The following RAD23B variants were observed in gnomAD, a reference collection of about 807,000 sequenced individuals.
RAD23B encodes the protein RAD23 nucleotide excision repair protein B, also known as lysine-specific demethylase RAD23B.
In RAD23B, 5 loss-of-function variants were observed where a neutral mutation model predicts 49.1. The ratio of observed to expected loss-of-function variants is 0.10; its 90% CI spans 0.05 to 0.21. RAD23B has a LOEUF of 0.21. RAD23B is among the 10% of genes least tolerant of loss of function. RAD23B has a pLI of 1.00. For synonymous variants in RAD23B, 184 were observed against 165.4 expected, an observed-to-expected ratio of 1.11 and a Z score of -0.86; for missense variants, 356 against 486.7, an observed-to-expected ratio of 0.73 and a Z score of 2.53.
At position 107,284,130 on chromosome 9, in the gene RAD23B, C is replaced by T. The variant is rs967709900; in HGVS notation, c.66+435C>T. 1.1e-5 allele frequency: 11 copies of T among 993,180 alleles called. No homozygotes were observed. In the African/African-American group the frequency reaches 1.9e-4, roughly 17 times the overall value. 61.5% of individuals were successfully genotyped at this position (993,180 alleles called of 1,614,324 possible). On this transcript the variant is annotated intron_variant, in intron 1 of 9. Transcript: ENST00000358015. Reference sequence around the variant, plus strand: ...GCCGCTTAGTTCCCAGAGTTGGTAACCCGAGAAGATGAGCCTTAAGAAAAA... The same window carrying T: ...GCCGCTTAGTTCCCAGAGTTGGTAATCCGAGAAGATGAGCCTTAAGAAAAA...
chr9:107,287,632 C>T (rs909278157), intron 1 of RAD23B, among the ~76,000 whole-genome samples: 4 of 151,968 alleles, frequency 2.6e-5, no homozygotes, highest in East Asian at 1.9e-4. Flanking sequence ...GTCAGGAGTT[C>T]CAGACCAGCC....
rs759969461 is a variant in RAD23B, at chr9:107,306,582, A to G, written c.432A>G (p.Lys144=). The G allele has an allele frequency of 4.3e-6, 7 of 1,614,022 alleles. No homozygotes were observed. Among genetic ancestry groups the G allele is most frequent in the Non-Finnish European group, 5.9e-6 (7 of 1,180,024 alleles). The change falls in exon 4 of 10, where the codon AAA becomes AAG. Residue 144 remains lysine, a synonymous_variant. Transcript: ENST00000358015. ...AACCTGCACCTGCTAGTGCAGCTAA[A>G]CAAGAGAAGCCTGCAGAAAAGCCAG... is the stretch of plus-strand genomic sequence containing the variant. The part of the protein sequence containing the change: ...SSEPAPASAA[K]QEKPAEKPAE...
chr9:107,318,677 C>T lies in RAD23B; in HGVS notation c.554-75C>T, dbSNP rs1182699201. 10 of 1,449,946 alleles carry T rather than the reference C, an allele frequency of 6.9e-6. 1 individual carries two copies. In the East Asian group the frequency reaches 7.0e-5, roughly 10 times the overall value. The allele number at this position is 1,449,946 out of a possible 1,614,324, so 89.8% of individuals were successfully genotyped here. ...ATAGTAGTTCCTGAAATGTTGTATA[C>T]ATGAATCAATAAATGTATAGAGAAT... On this transcript the variant is annotated intron_variant, in intron 5 of 9. Transcript: ENST00000358015. This position sits in a 1 kb window ranked among gnomAD's most constrained non-coding sequence, Gnocchi z 4.3.
In RAD23B at chr9:107,329,523, T is replaced by G; in HGVS notation, c.1117-20T>G. On this transcript the variant is annotated intron_variant, in intron 9 of 9. Coordinates refer to ENST00000358015, the MANE Select transcript of RAD23B (RefSeq NM_002874.5). The stretch of plus-strand genomic sequence containing the variant: ...CATAATTGGTGTGTTGGATTTATAT[T>G]TTTTTCCTTTTTCTTCCAGTTAAAG... The G allele has an allele frequency of 6.8e-7, 1 of 1,461,482 alleles. No individual in the cohort carries two copies. The highest frequency in any genetic ancestry group is 9.5e-7 in the Non-Finnish European group (1 of 1,051,406). The allele number at this position is 1,461,482 out of a possible 1,614,324, so 90.5% of individuals were successfully genotyped here. A position where few individuals can be genotyped will look rare whatever the true frequency, so the allele number is the denominator to read the frequency against.
At chr9:107,312,605 A>G (rs1453352975) in intron 5 of RAD23B, among the ~76,000 whole-genome samples, 2 of 152,064 alleles carry the variant, frequency 1.3e-5, no homozygotes, top group African/African-American at 4.8e-5. Flanking sequence ...GGGTGTGACA[A>G]CCCCAGATTT....
intron 3 of RAD23B, 94 bp downstream of exon 3, chr9:107,302,208 A>G (rs536492949): frequency 1.9e-6 from 3 of 1,549,702 alleles, no homozygotes; most frequent in African/African-American, 1.4e-5. Context: ...GTTTATACAC[A>G]TCCATAGTGG....
chr9:107,322,253 T>C (rs1827125530), intron 7 of RAD23B, 135 bp downstream of exon 7: 11 of 1,136,538 alleles, frequency 9.7e-6, no homozygotes, highest in Non-Finnish European at 1.3e-5. Flanking sequence ...TCTTCACTAA[T>C]GTTTGAGAAA....
intron 3 of RAD23B, 56 bp downstream of exon 3, chr9:107,302,170 A>G: frequency 1.2e-6 from 2 of 1,605,488 alleles, no homozygotes; most frequent in South Asian, 1.1e-5. Flanking sequence ...TTTAAAAATG[A>G]TGATCACAAG....
intron 1 of RAD23B, among the ~76,000 whole-genome samples, chr9:107,296,544 GT>G (rs1195171298): frequency 1.3e-5 from 2 of 151,762 alleles, no homozygotes; most frequent in Non-Finnish European, 2.9e-5. Flanking sequence ...TGCAAAAACA[GT>G]TTTGTGCCTT....
intron 4 of RAD23B, among the ~76,000 whole-genome samples, chr9:107,306,994 T>C (rs1297570437): frequency 6.6e-6 from 1 of 152,124 alleles, no homozygotes; most frequent in Non-Finnish European, 1.5e-5. Flanking sequence ...GCCACCCTGA[T>C]CATCATTTGT....
intron 2 of RAD23B, 61 bp from the exon 3 acceptor site, chr9:107,301,974 T>C: frequency 6.4e-7 from 1 of 1,572,926 alleles, no homozygotes; most frequent in South Asian, 1.2e-5. Flanking sequence ...AAAGTTGTTT[T>C]AACTGAAGTG....
chr9:107,323,893 A>T lies in RAD23B; in HGVS notation c.821A>T (p.His274Leu). The T allele has an allele frequency of 6.2e-7, 1 of 1,606,350 alleles. No individual in the cohort carries two copies. The highest frequency in any genetic ancestry group is 8.5e-7 in the Non-Finnish European group (1 of 1,173,052). Reference sequence around the variant, plus strand: ...GAAATGTTTATGTGTATTTTAGGACATCCCCTTGAATTTTTACGGAATCAG... The same window carrying T: ...GAAATGTTTATGTGTATTTTAGGACTTCCCCTTGAATTTTTACGGAATCAG... The part of the protein sequence containing the change: ...ATTTTTSSGG[H>L]PLEFLRNQPQ... The change falls in exon 8 of 10, where the codon CAT becomes CTT. Residue 274 changes from histidine to leucine, a missense_variant. By Grantham distance (99) the His-to-Leu change is moderately conservative (BLOSUM62 -3). Transcript: ENST00000358015.
chr9:107,315,156 A>G (rs1174848634), intron 5 of RAD23B, among the ~76,000 whole-genome samples: 2 of 136,796 alleles, frequency 1.5e-5, no homozygotes, highest in Admixed American at 1.4e-4. Flanking sequence ...TTTGTGTTTG[A>G]TGAGAAGTCT....
chr9:107,283,452 G>C lies in RAD23B; in HGVS notation c.-178G>C, dbSNP rs1373895302. On this transcript the variant is annotated 5_prime_UTR_variant, in exon 1 of 10. Coordinates refer to ENST00000358015, the MANE Select transcript of RAD23B (RefSeq NM_002874.5). ...GTCGCGGAGGCAGCGGCGCGGTCCG[G>C]GGCACGGGCTGGGGGAGAGGCCGCT... 4.4e-6 allele frequency: 2 copies of C among 452,764 alleles called. No homozygotes were observed. The highest frequency in any genetic ancestry group is 4.1e-5 in the African/African-American group (2 of 48,986). The allele number at this position is 452,764 out of a possible 1,614,324, so 28.0% of individuals were successfully genotyped here.
chr9:107,294,378 T>A (rs970608835), intron 1 of RAD23B, among the ~76,000 whole-genome samples: 1 of 152,184 alleles, frequency 6.6e-6, no homozygotes, highest in Non-Finnish European at 1.5e-5. Context: ...ACAATGAAAG[T>A]TCTAGCCTTG....
At chr9:107,321,877 C>T in intron 6 of RAD23B, 106 bp from the exon 7 acceptor site, 2 of 1,192,724 alleles carry the variant, frequency 1.7e-6, no homozygotes, top group Non-Finnish European at 2.2e-6. Flanking sequence ...CTGTTTGATG[C>T]TTTTGAAAAT....
At chr9:107,319,154 G>A (rs1286667110) in intron 6 of RAD23B, among the ~76,000 whole-genome samples, 2 of 89,452 alleles carry the variant, frequency 2.2e-5, no homozygotes, top group African/African-American at 6.3e-5. Flanking sequence ...TTTTTGAGAC[G>A]GAGTCTCGCT....
At chr9:107,303,366 A>G (rs756276799) in intron 3 of RAD23B, among the ~76,000 whole-genome samples, 1 of 152,206 alleles carries the variant, frequency 6.6e-6, no homozygotes, top group African/African-American at 2.4e-5. Flanking sequence ...ACTGGGAGCA[A>G]GCAGCTAAAT....
intron 2 of RAD23B, among the ~76,000 whole-genome samples, chr9:107,300,475 GT>G (rs752129394): frequency 6.7e-6 from 1 of 149,352 alleles, no homozygotes. Context: ...ACTGGCTTTT[GT>G]TTTTTTAATC....
Sources: allele counts gnomAD v4.1 joint callset (sites outside exome capture counted in the v4.1 genomes callset), GRCh38; gene constraint gnomAD v4.1.1; non-coding constraint Gnocchi (gnomAD v3.1); transcripts MANE v1.5; gene names NCBI Gene and HGNC (gene_info 2026-07-23, HGNC 2026-07-21).